The following INSL5 variants were observed in gnomAD, a reference collection of about 807,000 sequenced individuals.
INSL5 encodes the protein insulin-like peptide INSL5.
In INSL5, 3 loss-of-function variants were observed where a neutral mutation model predicts 4.3. That is an observed-to-expected ratio of 0.70 (90% confidence interval 0.32 to 1.82). The LOEUF is 1.82. INSL5 is among the 40% of genes most tolerant of loss of function. INSL5 has a pLI of 0.08. For missense variants in INSL5, 168 were observed against 160.9 expected, an observed-to-expected ratio of 1.04 and a Z score of -0.24; for synonymous variants, 68 against 56.6, an observed-to-expected ratio of 1.20 and a Z score of -0.90.
intron 1 of INSL5, 58 bp downstream of exon 1, chr1:66,800,989 G>A: frequency 7.6e-7 from 1 of 1,309,496 alleles, no homozygotes; most frequent in South Asian, 1.4e-5. Context: ...AACACAGCTT[G>A]AAAAAATAAA....
chr1:66,798,879 G>C (rs1645358053), intron 1 of INSL5, among the ~76,000 whole-genome samples: 2 of 152,158 alleles, frequency 1.3e-5, no homozygotes, highest in Non-Finnish European at 1.5e-5. Context: ...ATCTGAGAAA[G>C]ATTGAATAAT....
In INSL5 at chr1:66,801,143, T is replaced by C. The variant is rs1483057321; in HGVS notation, c.79A>G (p.Arg27Gly). The change falls in exon 1 of 2, where the codon AGA (arginine) becomes GGA (glycine). Residue 27 changes from arginine (R) to glycine (G), a missense_variant. Transcript: ENST00000304526. Reference sequence around the variant, plus strand: ...CGTATGTATTCTAGCCCACAGAGTCTCACAGACTCCTTGCTCCGCACTTCT... The same window carrying C: ...CGTATGTATTCTAGCCCACAGAGTCCCACAGACTCCTTGCTCCGCACTTCT... Reference protein sequence around the residue: ...ISEVRSKESVRLCGLEYIRTV... With the variant: ...ISEVRSKESVGLCGLEYIRTV... 4.3e-6 allele frequency: 7 copies of C among 1,613,078 alleles called. No homozygotes were observed. The highest frequency in any genetic ancestry group is 5.1e-6 in the Non-Finnish European group (6 of 1,179,056).
intron 1 of INSL5, among the ~76,000 whole-genome samples, chr1:66,799,368 A>G (rs556232268): frequency 1.3e-5 from 2 of 152,312 alleles, no homozygotes; most frequent in African/African-American, 2.4e-5. Context: ...CAAACACCAC[A>G]TGATCTCACT....
chr1:66,801,137 A>G lies in INSL5; in HGVS notation c.85T>C (p.Cys29Arg), dbSNP rs1348767079. The change falls in exon 1 of 2, where the codon TGT becomes CGT. Residue 29 changes from cysteine to arginine, a missense_variant. By Grantham distance (180) the Cys-to-Arg change is radical. Coordinates refer to ENST00000304526, the MANE Select transcript of INSL5 (RefSeq NM_005478.6). The stretch of plus-strand genomic sequence containing the variant: ...ACTGTCCGTATGTATTCTAGCCCAC[A>G]GAGTCTCACAGACTCCTTGCTCCGC... ...EVRSKESVRLCGLEYIRTVIY... is the reference protein window; with the variant it reads ...EVRSKESVRLRGLEYIRTVIY... 6.2e-7 allele frequency: 1 copy of G among 1,612,510 alleles called. No homozygotes were observed. The highest frequency in any genetic ancestry group is 2.2e-5 in the East Asian group (1 of 44,872).
intron 1 of INSL5, 129 bp downstream of exon 1, chr1:66,800,918 A>C: frequency 1.6e-6 from 1 of 628,172 alleles, no homozygotes; most frequent in Non-Finnish European, 2.6e-6. Flanking sequence ...TAATCCCTTA[A>C]ATTGACATAA....
At chr1:66,800,538 G>T (rs1178625608) in intron 1 of INSL5, among the ~76,000 whole-genome samples, 2 of 152,058 alleles carry the variant, frequency 1.3e-5, no homozygotes, top group African/African-American at 4.8e-5. Context: ...ATAAATGGTG[G>T]TAATTTTGCT....
At chr1:66,799,832 T>C (rs998313222) in intron 1 of INSL5, among the ~76,000 whole-genome samples, 6 of 152,154 alleles carry the variant, frequency 3.9e-5, no homozygotes, top group African/African-American at 1.4e-4. Context: ...GAAGATTGCT[T>C]GAAGCCAGGA....
chr1:66,798,283 G>C, intron 1 of INSL5, 38 bp from the exon 2 acceptor site: 1 of 1,460,868 alleles, frequency 6.8e-7, no homozygotes, highest in South Asian at 1.2e-5. Context: ...TCCTTAGACA[G>C]CTCCTACAAA....
At chr1:66,799,638 T>C (rs1313892502) in intron 1 of INSL5, among the ~76,000 whole-genome samples, 1 of 152,250 alleles carries the variant, frequency 6.6e-6, no homozygotes, top group Non-Finnish European at 1.5e-5. Flanking sequence ...GTAATGCATA[T>C]GTTAATTAGC....
At position 66,797,944 on chromosome 1, in the gene INSL5, C is replaced by A. The variant is rs569331329; in HGVS notation, c.*69G>T. ...TTAATAACACAATATTAGTGTTCTA[C>A]CAGGCAGTAAAACACTGTAATTAAA... is the stretch of plus-strand genomic sequence containing the variant. On this transcript the variant is annotated 3_prime_UTR_variant, in exon 2 of 2. Coordinates refer to ENST00000304526, the MANE Select transcript of INSL5 (RefSeq NM_005478.6). 4.6e-6 allele frequency: 5 copies of A among 1,084,018 alleles called. No homozygotes were observed. Among genetic ancestry groups the A allele is most frequent in the Non-Finnish European group, 5.6e-6 (4 of 719,090 alleles). 67.1% of individuals were successfully genotyped at this position (1,084,018 alleles called of 1,614,324 possible).
Position 66,798,213 on chromosome 1 carries a change from T to C in INSL5, c.208A>G (p.Lys70Glu), listed in dbSNP as rs993581687. ...ETGNSFQLPH[K>E]REFSEENPAQ... ...GGATTTTCCTCAGAAAACTCACGTTTATGTGGGAGCTGGAAGGAGTTTCCT... is the reference window on the plus strand; with the variant it reads ...GGATTTTCCTCAGAAAACTCACGTTCATGTGGGAGCTGGAAGGAGTTTCCT... The change falls in exon 2 of 2, where the codon AAA becomes GAA. Residue 70 changes from lysine to glutamate, a missense_variant. Transcript: ENST00000304526. 13 of 1,614,012 alleles carry C rather than the reference T, an allele frequency of 8.1e-6. No homozygotes were observed. In the Admixed American group the frequency reaches 1.3e-4, roughly 17 times the overall value.
At position 66,801,038 on chromosome 1, in the gene INSL5, T is replaced by C. The variant is rs777993270; in HGVS notation, c.175+9A>G. On this transcript the variant is annotated intron_variant, in intron 1 of 1. Coordinates refer to ENST00000304526, the MANE Select transcript of INSL5 (RefSeq NM_005478.6). ...AGGAAAATAGAGGAGACACATGAGT[T>C]ACTGTTACCTTGCTGAGCTTGAGGG... The C allele has an allele frequency of 6.3e-7, 1 of 1,590,006 alleles. No individual in the cohort carries two copies. The highest frequency in any genetic ancestry group is 1.3e-5 in the African/African-American group (1 of 74,238).
Position 66,798,163 on chromosome 1 carries a change from A to G in INSL5, c.258T>C (p.Asp86=), listed in dbSNP as rs779166219. Residue 86 remains aspartate (D), a synonymous_variant, in exon 2 of 2, where the codon GAT becomes GAC. Coordinates refer to ENST00000304526, the MANE Select transcript of INSL5 (RefSeq NM_005478.6). The part of the protein sequence containing the change: ...ENPAQNLPKV[D]ASGEDRLWGG... ...CCCAAAGACGGTCTTCCCCTGAGGC[A>G]TCCACCTTCGGAAGGTTTTGCGCTG... The G allele has an allele frequency of 2.5e-6, 4 of 1,614,074 alleles. No homozygotes were observed. The highest frequency in any genetic ancestry group is 1.3e-5 in the African/African-American group (1 of 74,916).
At chr1:66,800,447 C>G (rs1231735989) in intron 1 of INSL5, among the ~76,000 whole-genome samples, 1 of 152,036 alleles carries the variant, frequency 6.6e-6, no homozygotes, top group Admixed American at 6.5e-5. Context: ...AAGACCTTGG[C>G]TCTTGAAGCC....
At chr1:66,800,788 C>T (rs1043771006) in intron 1 of INSL5, among the ~76,000 whole-genome samples, 1 of 152,098 alleles carries the variant, frequency 6.6e-6, no homozygotes, top group Non-Finnish European at 1.5e-5. Flanking sequence ...ATGCTGAGCC[C>T]ATTGAAGTAG....
Position 66,797,907 on chromosome 1 carries a change from A to G in INSL5, c.*106T>C, listed in dbSNP as rs920050216. ...TTAGAAAAGAAGTTTTGCCTACCCA[A>G]AAGCCATCATTTTAATAACACAATA... is the stretch of plus-strand genomic sequence containing the variant. On this transcript the variant is annotated 3_prime_UTR_variant, in exon 2 of 2. Coordinates refer to ENST00000304526, the MANE Select transcript of INSL5 (RefSeq NM_005478.6). The G allele has an allele frequency of 2.4e-6, 2 of 822,022 alleles. No homozygotes were observed. The highest frequency in any genetic ancestry group is 3.9e-6 in the Non-Finnish European group (2 of 516,878). 50.9% of individuals were successfully genotyped at this position (822,022 alleles called of 1,614,324 possible).
chr1:66,801,175 G>A lies in INSL5; in HGVS notation c.47C>T (p.Ala16Val), dbSNP rs770529302. The A allele has an allele frequency of 3.1e-6, 5 of 1,613,392 alleles. No individual in the cohort carries two copies. The South Asian group carries it at 4.4e-5, about 14-fold the overall frequency. Reference protein sequence around the residue: ...FTLFLFSVLFAISEVRSKESV... With the variant: ...FTLFLFSVLFVISEVRSKESV... ...CTCCTTGCTCCGCACTTCTGAGATGGCAAATAGGACAGAGAATAAAAACAG... is the reference window on the plus strand; with the variant it reads ...CTCCTTGCTCCGCACTTCTGAGATGACAAATAGGACAGAGAATAAAAACAG... The change falls in exon 1 of 2, where the codon GCC (alanine) becomes GTC (valine). Residue 16 changes from alanine (A) to valine (V), a missense_variant. Physicochemically the swap from Ala to Val is moderately conservative, Grantham distance 64. Transcript: ENST00000304526.
intron 1 of INSL5, among the ~76,000 whole-genome samples, chr1:66,798,454 G>A (rs1369155270): frequency 1.3e-5 from 2 of 152,198 alleles, no homozygotes; most frequent in Admixed American, 1.3e-4. Flanking sequence ...TACAGAGGCA[G>A]AAACTTGAGT....
intron 1 of INSL5, among the ~76,000 whole-genome samples, 172 bp downstream of exon 1, chr1:66,800,875 T>C (rs1645371524): frequency 6.6e-6 from 1 of 152,204 alleles, no homozygotes; most frequent in East Asian, 1.9e-4. Context: ...TGCTCATCAC[T>C]TTCCCAAGCC....
Sources: gnomAD v4.1 joint callset for allele counts (sites outside exome capture counted in the v4.1 genomes callset) on GRCh38, gnomAD v4.1.1 for gene constraint, MANE v1.5 for transcripts, NCBI Gene and HGNC (gene_info 2026-07-23, HGNC 2026-07-21) for gene names.